Variants in HSPA13 observed in about 807,000 individuals in gnomAD.
HSPA13 encodes the protein heat shock protein family A (Hsp70) member 13.
HSPA13 carries 29 observed loss-of-function variants against 38.8 expected under a neutral mutation model. The ratio of observed to expected loss-of-function variants is 0.75; its 90% CI spans 0.56 to 1.02. The LOEUF (loss-of-function observed/expected upper bound fraction) is 1.02, where lower values mean the gene tolerates loss of function less well. Among genes scored for constraint, HSPA13 ranks in the 50% least tolerant of loss-of-function variants. The pLI, the probability that HSPA13 is intolerant of heterozygous loss-of-function variation, is 0.00. For synonymous variants in HSPA13, 192 were observed against 205.3 expected, an observed-to-expected ratio of 0.94 and a Z score of 0.56; for missense variants, 451 against 560.9, an observed-to-expected ratio of 0.80 and a Z score of 1.98.
chr21:14,375,625 C>T, intron 4 of HSPA13, 27 bp downstream of exon 4: 4 of 1,606,672 alleles, frequency 2.5e-6, no homozygotes, highest in Non-Finnish European at 3.4e-6. Flanking sequence ...AGCCACTGCG[C>T]CCAGCCTCTC....
At chr21:14,378,531 A>G (rs1321507464) in intron 2 of HSPA13, 119 bp from the exon 3 acceptor site, 3 of 654,052 alleles carry the variant, frequency 4.6e-6, no homozygotes, top group Non-Finnish European at 7.9e-6. Context: ...AAATCAAAAA[A>G]TGCATTTGAA....
chr21:14,378,970 AG>A (rs1308581431), intron 2 of HSPA13, among the ~76,000 whole-genome samples: 3 of 152,118 alleles, frequency 2.0e-5, no homozygotes, highest in African/African-American at 7.2e-5. Context: ...GCACATGACT[AG>A]AACACAAAAG....
Position 14,378,360 on chromosome 21 carries a change from AT to A in HSPA13, c.418del (p.Ile140SerfsTer14). On this transcript the variant is annotated frameshift_variant, in exon 3 of 5. Coordinates refer to ENST00000285667, the MANE Select transcript of HSPA13 (RefSeq NM_006948.5). LOFTEE classifies it high-confidence loss of function. The part of the protein sequence containing the change: ...VEFSVTSNET[I>X]TVSPEYVGSR... ...GCCAACATATTCTGGGGACACTGTG[AT>A]GGTCTCATTACTTGTCACAGAAAAC... The A allele has an allele frequency of 1.2e-6, 2 of 1,614,156 alleles. No homozygotes were observed. The highest frequency in any genetic ancestry group is 1.7e-6 in the Non-Finnish European group (2 of 1,179,986).
At position 14,376,203 on chromosome 21, in the gene HSPA13, A is replaced by C. The variant is rs895242450; in HGVS notation, c.581-384T>G. ...GAGGTGGGCGGATCACGAGGTCAGG[A>C]GATCAAGAGACCCTCCTGGCTAACA... On this transcript the variant is annotated intron_variant, in intron 3 of 4. Transcript: ENST00000285667. 2.6e-5 allele frequency among the ~76,000 whole-genome samples: 4 copies of C among 152,176 alleles called. No individual in the cohort carries two copies. In the East Asian group the frequency reaches 7.7e-4, roughly 29 times the overall value.
intron 1 of HSPA13, among the ~76,000 whole-genome samples, chr21:14,381,940 A>G (rs1428701371): frequency 6.6e-6 from 1 of 152,238 alleles, no homozygotes; most frequent in Non-Finnish European, 1.5e-5. Flanking sequence ...CTTTATAAAA[A>G]GCTTCGATTA....
intron 2 of HSPA13, 64 bp from the exon 3 acceptor site, chr21:14,378,476 A>G: frequency 1.0e-6 from 1 of 969,600 alleles, no homozygotes. Context: ...ACATACATAT[A>G]TACATAAATA....
chr21:14,378,624 C>CT lies in HSPA13; in HGVS notation c.367-213dup, dbSNP rs11322033. ...GTACAATGAATCCATATTAGTTTTACTTTTTTTTTTTTTGAGATGGAGTCT... is the reference window on the plus strand; with the variant it reads ...GTACAATGAATCCATATTAGTTTTACTTTTTTTTTTTTTTGAGATGGAGTCT... On this transcript the variant is annotated intron_variant, in intron 2 of 4. Transcript: ENST00000285667. Among the ~76,000 whole-genome samples, 309 of 145,440 alleles carry CT rather than the reference C, an allele frequency of 2.1e-3. 1 individual carries two copies. The highest frequency in any genetic ancestry group is 4.2e-3 in the African/African-American group (168 of 39,812).
intron 2 of HSPA13, among the ~76,000 whole-genome samples, chr21:14,380,300 T>TAACAAA (rs1181661848): frequency 4.2e-5 from 6 of 141,320 alleles, no homozygotes; most frequent in Admixed American, 1.4e-4. Context: ...AAGGAAAAGA[T>TAACAAA]AACAAAAACA....
chr21:14,378,514 C>T (rs35215294), intron 2 of HSPA13, 102 bp from the exon 3 acceptor site: 235,307 of 722,552 alleles, frequency 0.33, 39,189 homozygotes, highest in East Asian at 0.37. Context: ...TTACCCTTAT[C>T]TTTACAAAAT....
rs1365572550 is a variant in HSPA13 at position 14,374,131 on chromosome 21, A to C, written c.902T>G (p.Leu301Arg). ...TACTGACAACTGAGCAGATTGATGA[A>C]GAGTCAGATTTAATTTGACCATTTC... The part of the protein sequence containing the change: ...AVEMVKLNLT[L>R]HQSAQLSVLL... Residue 301 changes from leucine to arginine, a missense_variant, in exon 5 of 5, where the codon CTT becomes CGT. By Grantham distance (102) the Leu-to-Arg change is moderately radical. Coordinates refer to ENST00000285667, the MANE Select transcript of HSPA13 (RefSeq NM_006948.5). 1.9e-6 allele frequency: 3 copies of C among 1,614,002 alleles called. No individual in the cohort carries two copies. The highest frequency in any genetic ancestry group is 4.5e-5 in the East Asian group (2 of 44,892).
In HSPA13 at chr21:14,373,551, A is replaced by C; in HGVS notation, c.*66T>G. ...TTTTAGAGACTTTCTTTTGTGGAAA[A>C]GGTAATCTGATAAATGGGAAGAGAT... On this transcript the variant is annotated 3_prime_UTR_variant, in exon 5 of 5. Coordinates refer to ENST00000285667, the MANE Select transcript of HSPA13 (RefSeq NM_006948.5). The C allele has an allele frequency of 2.2e-6, 3 of 1,333,390 alleles. No individual in the cohort carries two copies. In the South Asian group the frequency reaches 4.1e-5, roughly 18 times the overall value. The allele number at this position is 1,333,390 out of a possible 1,614,324, so 82.6% of individuals were successfully genotyped here. A position where few individuals can be genotyped will look rare whatever the true frequency, so the allele number is the denominator to read the frequency against.
chr21:14,376,396 G>C (rs981739470), intron 3 of HSPA13, among the ~76,000 whole-genome samples: 4 of 152,144 alleles, frequency 2.6e-5, no homozygotes, highest in African/African-American at 9.7e-5. Context: ...CTGGGCAGCA[G>C]AGTGAGACTC....
chr21:14,375,016 C>T (rs1487548618), intron 4 of HSPA13, among the ~76,000 whole-genome samples: 2 of 152,090 alleles, frequency 1.3e-5, no homozygotes, highest in Non-Finnish European at 2.9e-5. Flanking sequence ...TAACTTACAA[C>T]TCAACGTGTC....
In HSPA13 at chr21:14,383,130, C is replaced by A. The variant is rs1409274225; in HGVS notation, c.-11G>T. ...CATCTCTCTGGCCATCACAGTCCCG[C>A]CGAACAGGCTTGTGATGACTGTACC... On this transcript the variant is annotated 5_prime_UTR_variant, in exon 1 of 5. Coordinates refer to ENST00000285667, the MANE Select transcript of HSPA13 (RefSeq NM_006948.5). The A allele has an allele frequency of 6.2e-7, 1 of 1,614,110 alleles. No individual in the cohort carries two copies. The highest frequency in any genetic ancestry group is 8.5e-7 in the Non-Finnish European group (1 of 1,179,988).
At chr21:14,381,076 GAGATAACAGAACTTTCATGTATTAAT>G in intron 2 of HSPA13, 101 bp downstream of exon 2, 1 of 704,724 alleles carries the variant, frequency 1.4e-6, no homozygotes, top group Non-Finnish European at 2.3e-6. Context: ...CTGGTTATGT[GAGATAACAGAACTTTCATGTATTAAT>G]AGATAAAACT....
chr21:14,379,334 A>G lies in HSPA13; in HGVS notation c.367-922T>C, dbSNP rs1048481609. Among the ~76,000 whole-genome samples, 3 of 152,180 alleles carry G rather than the reference A, an allele frequency of 2.0e-5. No homozygotes were observed. In the South Asian group the frequency reaches 6.2e-4, roughly 32 times the overall value. Reference sequence around the variant, plus strand: ...TTACCAAGATTCTATTAATATAAATAAAAAAGAGAATTAATCTAAGAAATT... The same window carrying G: ...TTACCAAGATTCTATTAATATAAATGAAAAAGAGAATTAATCTAAGAAATT... On this transcript the variant is annotated intron_variant, in intron 2 of 4. Transcript: ENST00000285667.
intron 2 of HSPA13, among the ~76,000 whole-genome samples, chr21:14,379,194 TCA>T (rs10543164): frequency 0.47 from 71,353 of 151,696 alleles, 16,967 homozygotes; most frequent in Middle Eastern, 0.52. Context: ...GAATCAAATC[TCA>T]TTTACATTCT....
chr21:14,373,724 C>T lies in HSPA13; in HGVS notation c.1309G>A (p.Val437Ile). The change falls in exon 5 of 5, where the codon GTA becomes ATA. Residue 437 changes from valine to isoleucine, a missense_variant. Transcript: ENST00000285667. ...NTSVDPDLAV[V>I]TGVAIQAGID... ...CCTGCTTGGATAGCCACTCCCGTTA[C>T]TACTGCTAGGTCAGGGTCTACAGAT... The T allele has an allele frequency of 6.2e-7, 1 of 1,614,198 alleles. No homozygotes were observed. The highest frequency in any genetic ancestry group is 8.5e-7 in the Non-Finnish European group (1 of 1,180,014).
At chr21:14,381,028 G>A (rs141679369) in intron 2 of HSPA13, among the ~76,000 whole-genome samples, 175 bp downstream of exon 2, 95 of 152,302 alleles carry the variant, frequency 6.2e-4, no homozygotes, top group African/African-American at 2.2e-3. Flanking sequence ...GCATTATGGA[G>A]TCAGTGATTA....
Sources: gnomAD v4.1 joint callset for allele counts (sites outside exome capture counted in the v4.1 genomes callset) on GRCh38, gnomAD v4.1.1 for gene constraint, MANE v1.5 for transcripts, NCBI Gene and HGNC (gene_info 2026-07-23, HGNC 2026-07-21) for gene names.